GRIP2: variants seen among roughly 807,000 people sequenced by gnomAD.
The protein encoded by GRIP2 is glutamate receptor interacting protein 2, also known as glutamate receptor-interacting protein 2.
Under a neutral mutation model 108.3 loss-of-function variants are expected in GRIP2, and 58 were observed. The ratio of observed to expected loss-of-function variants is 0.54; its 90% CI spans 0.43 to 0.67. The LOEUF is 0.67. GRIP2 is among the 30% of genes least tolerant of loss of function. The pLI is 0.00. For missense variants in GRIP2, 1,278 were observed against 1,430.6 expected, an observed-to-expected ratio of 0.89 and a Z score of 1.72; for synonymous variants, 586 against 598.2, an observed-to-expected ratio of 0.98 and a Z score of 0.30.
intron 9 of GRIP2, among the ~76,000 whole-genome samples, chr3:14,518,974 C>T (rs1362582657): frequency 4.6e-5 from 7 of 152,178 alleles, no homozygotes; most frequent in East Asian, 1.9e-4. Flanking sequence ...AGGGGTTGTA[C>T]GCAGATGTGT....
At chr3:14,600,501 G>A in the GRIP2 span, among the ~76,000 whole-genome samples, 1 of 152,206 alleles carries the variant, frequency 6.6e-6, no homozygotes, top group Non-Finnish European at 1.5e-5. Flanking sequence ...TCTTTGTTGA[G>A]GCCTTAAATT....
chr3:14,501,304 C>A (rs1410996254), intron 21 of GRIP2, among the ~76,000 whole-genome samples: 1 of 152,100 alleles, frequency 6.6e-6, no homozygotes, highest in Non-Finnish European at 1.5e-5. Context: ...GTGAATATAA[C>A]AAAAGCCACT....
the GRIP2 span, among the ~76,000 whole-genome samples, chr3:14,598,273 C>T: frequency 3.3e-5 from 5 of 151,626 alleles, no homozygotes; most frequent in East Asian, 1.9e-4. Context: ...CAATCAAAAG[C>T]CGCCTTATCG....
At position 14,528,469 on chromosome 3, in the gene GRIP2, G is replaced by A. The variant is rs569626349; in HGVS notation, c.41-2538C>T. 4.7e-4 allele frequency among the ~76,000 whole-genome samples: 72 copies of A among 152,334 alleles called. No individual in the cohort carries two copies. In the South Asian group the frequency reaches 0.015, roughly 31 times the overall value. ...AGAAACTGCCAAACTGTTTCAAAGTGGCTGTGCCATTTTGCACCCGACCAA... is the reference window on the plus strand; with the variant it reads ...AGAAACTGCCAAACTGTTTCAAAGTAGCTGTGCCATTTTGCACCCGACCAA... On this transcript the variant is annotated intron_variant, in intron 1 of 23. Transcript: ENST00000621039.
At chr3:14,575,583 G>A in the GRIP2 span, among the ~76,000 whole-genome samples, 1 of 152,226 alleles carries the variant, frequency 6.6e-6, no homozygotes, top group Non-Finnish European at 1.5e-5. Flanking sequence ...CGCTTTAATA[G>A]GCACATGCTG....
the GRIP2 span, among the ~76,000 whole-genome samples, chr3:14,599,713 T>G: frequency 3.9e-3 from 283 of 73,408 alleles, 2 homozygotes; most frequent in African/African-American, 0.014. Flanking sequence ...GTGTGTGTGT[T>G]TGTGTGTGTG....
At position 14,521,862 on chromosome 3, in the gene GRIP2, A is replaced by G; in HGVS notation, c.567-75T>C. The G allele has an allele frequency of 7.5e-7, 1 of 1,339,110 alleles. No homozygotes were observed. Among genetic ancestry groups the G allele is most frequent in the Non-Finnish European group, 9.9e-7 (1 of 1,011,380 alleles). 83.0% of individuals were successfully genotyped at this position (1,339,110 alleles called of 1,614,324 possible). A position where few individuals can be genotyped will look rare whatever the true frequency, so the allele number is the denominator to read the frequency against. ...CAGCCTGTCTGGGAGGGCGCTGGGA[A>G]GCGGGACATGGAGGATGAAGAAGCA... On this transcript the variant is annotated intron_variant, in intron 6 of 23. Coordinates refer to ENST00000621039, the MANE Select transcript of GRIP2 (RefSeq NM_001080423.4). This position sits in a 1 kb window ranked among gnomAD's most constrained non-coding sequence, Gnocchi z 5.1.
upstream of GRIP2, among the ~76,000 whole-genome samples, chr3:14,544,058 G>A (rs539154510): frequency 5.3e-4 from 81 of 152,304 alleles, 1 homozygote; most frequent in African/African-American, 1.9e-3. Flanking sequence ...GAATTTCAAG[G>A]GAGCTAAGCA....
the GRIP2 span, chr3:14,573,640 C>A: frequency 6.7e-7 from 1 of 1,502,686 alleles, no homozygotes; most frequent in Non-Finnish European, 9.2e-7. Flanking sequence ...CCTGTGATGA[C>A]ACAGTCCATG....
At chr3:14,601,503 A>G in the GRIP2 span, among the ~76,000 whole-genome samples, 1 of 152,090 alleles carries the variant, frequency 6.6e-6, no homozygotes, top group African/African-American at 2.4e-5. Context: ...TCTACCCTAA[A>G]GCTGCTCCAT....
intron 1 of GRIP2, among the ~76,000 whole-genome samples, chr3:14,526,840 G>A (rs1054127831): frequency 6.6e-6 from 1 of 152,196 alleles, no homozygotes; most frequent in Admixed American, 6.5e-5. Context: ...GTATGATGCA[G>A]AGATTCTCAA....
chr3:14,513,729 G>A lies in GRIP2; in HGVS notation c.1575C>T (p.Asn525=), dbSNP rs1694166545. The change falls in exon 13 of 24, where the codon AAC becomes AAT. Residue 525 remains asparagine (N), a synonymous_variant. Coordinates refer to ENST00000621039, the MANE Select transcript of GRIP2 (RefSeq NM_001080423.4). ...ATEDGTMEEA[N]QLLRDAALAH... ...CCAGTGCGGCGTCCCGCAGGAGCTG[G>A]TTGGCTTCCTCCATAGTCCCGTCCT... 2 of 1,611,038 alleles carry A rather than the reference G, an allele frequency of 1.2e-6. No homozygotes were observed. Among genetic ancestry groups the A allele is most frequent in the Non-Finnish European group, 1.7e-6 (2 of 1,178,796 alleles).
intron 13 of GRIP2, 47 bp downstream of exon 13, chr3:14,513,618 G>A: frequency 1.3e-6 from 2 of 1,567,176 alleles, no homozygotes; most frequent in Admixed American, 1.8e-5. Context: ...GAGAGGAGGG[G>A]TGCAGGGCCC....
the GRIP2 span, chr3:14,573,081 C>T: frequency 1.4e-6 from 2 of 1,395,526 alleles, no homozygotes; most frequent in Non-Finnish European, 2.0e-6. Context: ...GAGAAAGAGG[C>T]CACTGATGAA....
rs146226483 is a variant in GRIP2 at position 14,506,699 on chromosome 3, C to T, written c.2398+102G>A. ...CCCCTAAAGGATGCCAGGAGAGGAG[C>T]GCAGGAGGGAGGAACAGGCACAAGA... On this transcript the variant is annotated intron_variant, in intron 19 of 23. Transcript: ENST00000621039. The T allele has an allele frequency of 7.1e-3, 8,037 of 1,136,796 alleles. 35 individuals are homozygous for T. Among genetic ancestry groups the T allele is most frequent in the Admixed American group, 9.2e-3 (305 of 33,192 alleles). 70.4% of individuals were successfully genotyped at this position (1,136,796 alleles called of 1,614,324 possible). A position where few individuals can be genotyped will look rare whatever the true frequency, so the allele number is the denominator to read the frequency against.
chr3:14,567,055 C>G, the GRIP2 span, among the ~76,000 whole-genome samples: 1 of 150,932 alleles, frequency 6.6e-6, no homozygotes, highest in African/African-American at 2.4e-5. Flanking sequence ...AATGAATGAA[C>G]GTCAACTGCC....
rs1281199163 is a variant in GRIP2, at chr3:14,512,590, GA to G, written c.1720+186del. Among the ~76,000 whole-genome samples, 1 of 152,176 alleles carries G rather than the reference GA, an allele frequency of 6.6e-6. No individual in the cohort carries two copies. Among genetic ancestry groups the G allele is most frequent in the Non-Finnish European group, 1.5e-5 (1 of 68,034 alleles). The stretch of plus-strand genomic sequence containing the variant: ...GCAGAACGGGAAGCTGAAGCTTTGG[GA>G]AGCTGGGGTCTCGCTGAGAACACGC... On this transcript the variant is annotated intron_variant, in intron 14 of 23. Transcript: ENST00000621039. The surrounding 1 kb of genome is among the most constrained non-coding windows in gnomAD (Gnocchi z 5.1).
chr3:14,543,512 G>C (rs1211409031), upstream of GRIP2, among the ~76,000 whole-genome samples: 5 of 152,234 alleles, frequency 3.3e-5, no homozygotes, highest in Non-Finnish European at 7.3e-5. Context: ...AGCAGCAAGG[G>C]CTCCTTCTAG....
the GRIP2 span, among the ~76,000 whole-genome samples, chr3:14,579,681 T>A: frequency 3.5e-5 from 1 of 28,206 alleles, no homozygotes; most frequent in East Asian, 5.2e-4. Flanking sequence ...TCTCCCGCCT[T>A]CACAACCCTG....
Sources: gnomAD v4.1 joint callset for allele counts (sites outside exome capture counted in the v4.1 genomes callset) on GRCh38, gnomAD v4.1.1 for gene constraint, Gnocchi (gnomAD v3.1) non-coding constraint, MANE v1.5 for transcripts, NCBI Gene and HGNC (gene_info 2026-07-23, HGNC 2026-07-21) for gene names.